GAP43: variants seen among roughly 807,000 people sequenced by gnomAD.
GAP43 encodes the protein growth associated protein 43.
GAP43 carries 6 observed loss-of-function variants against 18.6 expected under a neutral mutation model. That is an observed-to-expected ratio of 0.32 (90% CI 0.18 to 0.64). The LOEUF is 0.64. Among genes scored for constraint, GAP43 ranks in the 30% least tolerant of loss-of-function variants. The pLI, the probability that GAP43 is intolerant of heterozygous loss-of-function variation, is 0.78. For synonymous variants in GAP43, 115 were observed against 111.4 expected, an observed-to-expected ratio of 1.03 and a Z score of -0.20; for missense variants, 292 against 295.5, an observed-to-expected ratio of 0.99 and a Z score of 0.09.
At chr3:115,682,130 C>T (rs968425521) in intron 2 of GAP43, among the ~76,000 whole-genome samples, 4 of 152,148 alleles carry the variant, frequency 2.6e-5, no homozygotes, top group African/African-American at 9.7e-5. Flanking sequence ...GATCATAATT[C>T]CCTCACAGCC....
At chr3:115,673,253 G>A (rs13073759) in intron 1 of GAP43, among the ~76,000 whole-genome samples, 37,778 of 152,016 alleles carry the variant, frequency 0.25, 5,681 homozygotes, top group Non-Finnish European at 0.33. Flanking sequence ...GAAAGAGGAG[G>A]GAGAGAAAAT....
intron 2 of GAP43, among the ~76,000 whole-genome samples, chr3:115,704,208 A>G (rs1329359462): frequency 6.6e-6 from 1 of 152,090 alleles, no homozygotes; most frequent in Non-Finnish European, 1.5e-5. Context: ...GCTTTTTAAC[A>G]TTCTGCTGGC....
chr3:115,653,079 G>A (rs1159349077), intron 1 of GAP43, among the ~76,000 whole-genome samples: 1 of 152,144 alleles, frequency 6.6e-6, no homozygotes, highest in African/African-American at 2.4e-5. Context: ...TCAAGACTGG[G>A]TTTCTCTACC....
At chr3:115,711,162 C>T (rs183004240) in intron 2 of GAP43, among the ~76,000 whole-genome samples, 2 of 152,240 alleles carry the variant, frequency 1.3e-5, no homozygotes, top group East Asian at 3.9e-4. Context: ...TTCCTCCAAG[C>T]TTTAGATTTC....
intron 2 of GAP43, among the ~76,000 whole-genome samples, chr3:115,710,061 C>A (rs1409114952): frequency 1.3e-5 from 2 of 152,100 alleles, no homozygotes; most frequent in East Asian, 3.9e-4. Flanking sequence ...TATATATTGG[C>A]ACTCCTGTGA....
intron 2 of GAP43, among the ~76,000 whole-genome samples, chr3:115,716,198 G>A (rs1164171017): frequency 2.6e-5 from 4 of 152,212 alleles, no homozygotes; most frequent in African/African-American, 4.8e-5. Flanking sequence ...CTAAACAGTC[G>A]ACATTATTTA....
chr3:115,677,250 G>A (rs931284779), intron 2 of GAP43, among the ~76,000 whole-genome samples: 1 of 152,142 alleles, frequency 6.6e-6, no homozygotes, highest in Non-Finnish European at 1.5e-5. Context: ...TAAGTCTGTC[G>A]ATGTTGCCAA....
At position 115,665,289 on chromosome 3, in the gene GAP43, C is replaced by T. The variant is rs549435312; in HGVS notation, c.31-10724C>T. Among the ~76,000 whole-genome samples the T allele has an allele frequency of 3.9e-5, 6 of 152,214 alleles. No homozygotes were observed. In the East Asian group the frequency reaches 9.7e-4, roughly 25 times the overall value. ...ATCTGAAATATAGACCAATTTTGCT[C>T]GTTAAAACTACTTCAAGTAGTCCTA... On this transcript the variant is annotated intron_variant, in intron 1 of 2. Transcript: ENST00000305124.
chr3:115,681,181 C>T (rs1708953625), intron 2 of GAP43, among the ~76,000 whole-genome samples: 1 of 152,156 alleles, frequency 6.6e-6, no homozygotes, highest in South Asian at 2.1e-4. Flanking sequence ...CTAGAGTAAT[C>T]ATTTTTATTG....
chr3:115,631,036 G>A lies in GAP43; in HGVS notation c.30+7317G>A, dbSNP rs537875247. Among the ~76,000 whole-genome samples the A allele has an allele frequency of 5.3e-5, 8 of 152,300 alleles. No individual in the cohort carries two copies. In the South Asian group the frequency reaches 1.7e-3, roughly 32 times the overall value. ...TATTCAGCGTGGGCTTTGTGTAAAT[G>A]CAAGCTCAGCTCTATTGGTCCCCCT... On this transcript the variant is annotated intron_variant, in intron 1 of 2. Transcript: ENST00000305124.
chr3:115,711,243 T>C (rs568881487), intron 2 of GAP43, among the ~76,000 whole-genome samples: 232 of 152,282 alleles, frequency 1.5e-3, no homozygotes, highest in African/African-American at 5.3e-3. Context: ...TGTGTGTGTG[T>C]GCACGTGCAC....
intron 2 of GAP43, among the ~76,000 whole-genome samples, chr3:115,699,591 A>G (rs1265617625): frequency 1.3e-5 from 2 of 152,146 alleles, no homozygotes; most frequent in Non-Finnish European, 2.9e-5. Flanking sequence ...AGGCATTAAT[A>G]CCAACACTGA....
intron 1 of GAP43, among the ~76,000 whole-genome samples, chr3:115,675,179 C>T (rs1048358998): frequency 1.3e-5 from 2 of 152,142 alleles, no homozygotes; most frequent in Non-Finnish European, 2.9e-5. Context: ...TCAAGTAAGC[C>T]TCCTTCCTCA....
chr3:115,661,621 C>A (rs538796232), intron 1 of GAP43, among the ~76,000 whole-genome samples: 14 of 151,966 alleles, frequency 9.2e-5, no homozygotes, highest in African/African-American at 3.4e-4. Flanking sequence ...CCCGAGTAGC[C>A]GGGACTACAG....
chr3:115,660,399 T>C (rs1379710796), intron 1 of GAP43, among the ~76,000 whole-genome samples: 2 of 152,226 alleles, frequency 1.3e-5, no homozygotes, highest in East Asian at 3.9e-4. Flanking sequence ...ACAGAACATA[T>C]ATACATTTGC....
rs1576991042 is a variant in GAP43 at position 115,676,301 on chromosome 3, A to G, written c.319A>G (p.Thr107Ala). ...TGATGAGCCCGGCAAAGCAGGAGAA[A>G]CTCCTTCCGAGGAGAAGAAGGGGGA... ...KPDEPGKAGE[T>A]PSEEKKGEGD... The change falls in exon 2 of 3, where the codon ACT (threonine) becomes GCT (alanine). Residue 107 changes from threonine to alanine, a missense_variant. Thr to Ala is a moderately conservative substitution (Grantham distance 58). Transcript: ENST00000305124. The G allele has an allele frequency of 6.2e-7, 1 of 1,613,764 alleles. No homozygotes were observed. Among genetic ancestry groups the G allele is most frequent in the African/African-American group, 1.3e-5 (1 of 74,828 alleles).
intron 1 of GAP43, among the ~76,000 whole-genome samples, chr3:115,669,948 T>C (rs1264958405): frequency 6.6e-6 from 1 of 151,292 alleles, no homozygotes; most frequent in African/African-American, 2.4e-5. Context: ...ATGCCCACTG[T>C]GCTTATTCAT....
chr3:115,698,082 A>T (rs1439164477), intron 2 of GAP43, among the ~76,000 whole-genome samples: 1 of 63,750 alleles, frequency 1.6e-5, no homozygotes, highest in Non-Finnish European at 2.6e-5. Context: ...ATAATATATA[A>T]AATATGTATT....
At chr3:115,708,940 G>GTTTTTTTTTT (rs3086974) in intron 2 of GAP43, among the ~76,000 whole-genome samples, 2 of 99,784 alleles carry the variant, frequency 2.0e-5, no homozygotes, top group South Asian at 3.7e-4. Context: ...AACTGGCTGG[G>GTTTTTTTTTT]TTTTTTTTTT....
Sources: allele counts gnomAD v4.1 joint callset (sites outside exome capture counted in the v4.1 genomes callset), GRCh38; gene constraint gnomAD v4.1.1; transcripts MANE v1.5; gene names NCBI Gene and HGNC (gene_info 2026-07-23, HGNC 2026-07-21).